The following PALS1 variants were observed in gnomAD, a reference collection of about 807,000 sequenced individuals.
PALS1 encodes protein PALS1.
In PALS1, 31 loss-of-function variants were observed where a neutral mutation model predicts 78.9. The ratio of observed to expected loss-of-function variants is 0.39; its 90% confidence interval spans 0.30 to 0.53. PALS1 has a LOEUF of 0.53. PALS1 is among the 20% of genes least tolerant of loss of function. The pLI is 0.67. For synonymous variants in PALS1, 276 were observed against 270.9 expected, an observed-to-expected ratio of 1.02 and a Z score of -0.18; for missense variants, 704 against 826.5, an observed-to-expected ratio of 0.85 and a Z score of 1.82.
At position 67,252,296 on chromosome 14, in the gene PALS1, C is replaced by T. The variant is rs114700199; in HGVS notation, c.-237+10763C>T. Among the ~76,000 whole-genome samples the T allele has an allele frequency of 3.1e-3, 476 of 152,166 alleles. 9 individuals are homozygous for T. The highest frequency in any genetic ancestry group is 0.015 in the East Asian group (78 of 5,176). Reference sequence around the variant, plus strand: ...CCTTCAACTCCTGGGCTCAAATAGGCGTGCACCACCATACCTAGCTAATTT... The same window carrying T: ...CCTTCAACTCCTGGGCTCAAATAGGTGTGCACCACCATACCTAGCTAATTT... On this transcript the variant is annotated intron_variant, in intron 1 of 14. Coordinates refer to ENST00000261681, the MANE Select transcript of PALS1 (RefSeq NM_022474.4).
At chr14:67,296,758 A>G (rs1426651583) in intron 4 of PALS1, among the ~76,000 whole-genome samples, 1 of 152,164 alleles carries the variant, frequency 6.6e-6, no homozygotes, top group East Asian at 1.9e-4. Context: ...GTTTTGAGAC[A>G]GAGTCTTGCT....
At chr14:67,247,314 AGTTGATCACT>A (rs1292035595) in intron 1 of PALS1, among the ~76,000 whole-genome samples, 15 of 152,196 alleles carry the variant, frequency 9.9e-5, no homozygotes, top group Non-Finnish European at 1.6e-4. Flanking sequence ...ATCAGATTCC[AGTTGATCACT>A]GATGGTATAT....
intron 14 of PALS1, among the ~76,000 whole-genome samples, chr14:67,330,982 T>G (rs2085439763): frequency 6.6e-6 from 1 of 152,156 alleles, no homozygotes; most frequent in Admixed American, 6.5e-5. Context: ...ATTCCACAGT[T>G]TTTGGTGTAG....
chr14:67,300,185 G>A (rs927534758), intron 4 of PALS1, among the ~76,000 whole-genome samples: 1 of 151,978 alleles, frequency 6.6e-6, no homozygotes, highest in Non-Finnish European at 1.5e-5. Flanking sequence ...GACTGGTTTT[G>A]GTACTGTCAT....
rs538500944 is a variant in PALS1 at position 67,244,227 on chromosome 14, C to T, written c.-237+2694C>T. Among the ~76,000 whole-genome samples, 3 of 152,270 alleles carry T rather than the reference C, an allele frequency of 2.0e-5. No individual in the cohort carries two copies. The South Asian group carries it at 6.2e-4, about 32-fold the overall frequency. On this transcript the variant is annotated intron_variant, in intron 1 of 14. Coordinates refer to ENST00000261681, the MANE Select transcript of PALS1 (RefSeq NM_022474.4). The stretch of plus-strand genomic sequence containing the variant: ...ATATCTTTGTGTATGTCTCCTTGAG[C>T]GCATGTGTGGACGCTTTCCTAGAAT...
intron 1 of PALS1, among the ~76,000 whole-genome samples, chr14:67,248,485 T>G (rs2084018694): frequency 6.6e-6 from 1 of 152,236 alleles, no homozygotes; most frequent in Admixed American, 6.5e-5. Context: ...TTTTCTTGAT[T>G]ATGATATAAC....
intron 9 of PALS1, 89 bp from the exon 10 acceptor site, chr14:67,316,743 T>C (rs1031788208): frequency 1.5e-5 from 14 of 942,584 alleles, no homozygotes; most frequent in South Asian, 6.7e-5. Context: ...TGAAGAGATA[T>C]GTCTAGTGTT....
chr14:67,283,411 A>G (rs2084631408), intron 3 of PALS1, among the ~76,000 whole-genome samples: 1 of 152,194 alleles, frequency 6.6e-6, no homozygotes, highest in South Asian at 2.1e-4. Flanking sequence ...GTGTGATTGT[A>G]AACTTTTTTA....
chr14:67,265,324 G>A (rs2084305240), intron 1 of PALS1, among the ~76,000 whole-genome samples: 1 of 152,166 alleles, frequency 6.6e-6, no homozygotes, highest in African/African-American at 2.4e-5. Flanking sequence ...TCGGGAGGCT[G>A]AGGTGGGAGG....
In PALS1 at chr14:67,333,248, C is replaced by G. The variant is rs952625026; in HGVS notation, c.*292C>G. On this transcript the variant is annotated 3_prime_UTR_variant, in exon 15 of 15. Transcript: ENST00000261681. The stretch of plus-strand genomic sequence containing the variant: ...GTCCTGTTAAAACCTTTTGTTTTCA[C>G]CTAAACCCTTTCTGCTTAGTTGTAT... 1 of 238,726 alleles carries G rather than the reference C, an allele frequency of 4.2e-6. No homozygotes were observed. Among genetic ancestry groups the G allele is most frequent in the Admixed American group, 5.1e-5 (1 of 19,504 alleles). 14.8% of individuals were successfully genotyped at this position (238,726 alleles called of 1,614,324 possible).
chr14:67,259,079 G>A (rs1595565800), intron 1 of PALS1, among the ~76,000 whole-genome samples: 1 of 151,836 alleles, frequency 6.6e-6, no homozygotes, highest in East Asian at 2.0e-4. Flanking sequence ...GTGGCCTCAA[G>A]TGATCCGCCT....
At chr14:67,316,580 A>G (rs764453412) in intron 9 of PALS1, among the ~76,000 whole-genome samples, 5 of 152,212 alleles carry the variant, frequency 3.3e-5, no homozygotes, top group African/African-American at 4.8e-5. Context: ...AAGTTGAACT[A>G]TTAAATTTTT....
chr14:67,293,521 G>A (rs1479818540), intron 4 of PALS1, among the ~76,000 whole-genome samples: 1 of 152,134 alleles, frequency 6.6e-6, no homozygotes, highest in Non-Finnish European at 1.5e-5. Flanking sequence ...TTGTAGATTA[G>A]CACATAATTG....
intron 3 of PALS1, among the ~76,000 whole-genome samples, chr14:67,289,126 CT>C (rs2084733986): frequency 1.6e-5 from 2 of 121,224 alleles, no homozygotes; most frequent in Admixed American, 1.6e-4. Context: ...ACCGCCATAA[CT>C]GGTTAATTTT....
At chr14:67,298,554 C>T (rs1309603355) in intron 4 of PALS1, among the ~76,000 whole-genome samples, 2 of 151,556 alleles carry the variant, frequency 1.3e-5, no homozygotes, top group African/African-American at 2.4e-5. Flanking sequence ...CTATGAGTAG[C>T]GTGATCTCAT....
At chr14:67,329,176 T>C (rs1334294347) in intron 14 of PALS1, among the ~76,000 whole-genome samples, 2 of 152,244 alleles carry the variant, frequency 1.3e-5, no homozygotes, top group Non-Finnish European at 2.9e-5. Context: ...GTAGTTCTCC[T>C]TGAAGAGGTC....
intron 1 of PALS1, among the ~76,000 whole-genome samples, chr14:67,251,863 T>C (rs1420821712): frequency 1.3e-5 from 2 of 152,162 alleles, no homozygotes; most frequent in African/African-American, 4.8e-5. Flanking sequence ...GACCAAGGCA[T>C]GGGGCCCCAC....
intron 14 of PALS1, among the ~76,000 whole-genome samples, chr14:67,324,896 C>CTTTTT (rs2085326609): frequency 2.6e-5 from 3 of 114,452 alleles, no homozygotes; most frequent in Admixed American, 9.1e-5. Flanking sequence ...GCCTTCCTTT[C>CTTTTT]ATTTTTTTTT....
At chr14:67,319,085 A>G (rs2140984671) in intron 11 of PALS1, among the ~76,000 whole-genome samples, 1 of 152,246 alleles carries the variant, frequency 6.6e-6, no homozygotes, top group South Asian at 2.1e-4. Flanking sequence ...TTAGATATTA[A>G]AGTGATTTGC....
Sources: allele counts gnomAD v4.1 joint callset (sites outside exome capture counted in the v4.1 genomes callset), GRCh38; gene constraint gnomAD v4.1.1; transcripts MANE v1.5; gene names NCBI Gene and HGNC (gene_info 2026-07-23, HGNC 2026-07-21).